Variants in KIAA2012 observed in about 807,000 individuals in gnomAD.
KIAA2012 encodes uncharacterized protein KIAA2012.
A neutral mutation model predicts 150.6 loss-of-function variants in KIAA2012; 125 were observed. The ratio of observed to expected loss-of-function variants is 0.83; its 90% CI spans 0.72 to 0.96. The LOEUF (loss-of-function observed/expected upper bound fraction) is 0.96. KIAA2012 is among the 40% of genes least tolerant of loss of function. KIAA2012 has a pLI of 0.00. For synonymous variants in KIAA2012, 462 were observed against 504.7 expected (o/e 0.92, Z 1.13); for missense variants, 1,219 against 1,354.9 (o/e 0.90, Z 1.57).
Position 202,194,179 on chromosome 2 carries a change from G to T in KIAA2012, c.3015-11G>T. 1 of 1,550,186 alleles carries T rather than the reference G, an allele frequency of 6.5e-7. No homozygotes were observed. Among genetic ancestry groups the T allele is most frequent in the South Asian group, 1.2e-5 (1 of 84,010 alleles). ...TTCTGCCATTTCCCTGACCATCTTG[G>T]GTTTTCTCAGCTTGAGGAAACAGAG... On this transcript the variant is annotated splice_polypyrimidine_tract_variant and intron_variant, in intron 20 of 23. Transcript: ENST00000498697.
chr2:202,090,843 T>C lies in KIAA2012; in HGVS notation c.443T>C (p.Ile148Thr). The change falls in exon 3 of 24, where the codon ATC (isoleucine) becomes ACC (threonine). Residue 148 changes from isoleucine to threonine, a missense_variant. Physicochemically the swap from Ile to Thr is moderately conservative, Grantham distance 89 (BLOSUM62 -1). Transcript: ENST00000498697. ...CTGGAGAGCCAGGCCCAACGGCAGA[T>C]CCAGCCAGGGCATTCAGCCAAGAGA... is the stretch of plus-strand genomic sequence containing the variant. ...SQLESQAQRQ[I>T]QPGHSAKRYL... 6.4e-7 allele frequency: 1 copy of C among 1,550,566 alleles called. No individual in the cohort carries two copies. The highest frequency in any genetic ancestry group is 2.0e-5 in the Admixed American group (1 of 51,006).
intron 21 of KIAA2012, among the ~76,000 whole-genome samples, chr2:202,195,594 C>G (rs1354255036): frequency 1.3e-5 from 2 of 151,982 alleles, no homozygotes; most frequent in Non-Finnish European, 2.9e-5. Context: ...TTACAGTTGC[C>G]TACAGTGCTA....
intron 2 of KIAA2012, among the ~76,000 whole-genome samples, chr2:202,075,752 A>G (rs1029073071): frequency 6.6e-6 from 1 of 152,348 alleles, no homozygotes; most frequent in South Asian, 2.1e-4. Flanking sequence ...ATATAATTGC[A>G]TGCATCAGCC....
chr2:202,122,972 G>C lies in KIAA2012; in HGVS notation c.1763-2242G>C, dbSNP rs565229654. On this transcript the variant is annotated intron_variant, in intron 11 of 23. Coordinates refer to ENST00000498697, the MANE Select transcript of KIAA2012 (RefSeq NM_001277372.4). ...CCACCGCTCTGGCAGCCTCCCTCAAGCCAAGTCAAAAGTCCCACCAGCACA... is the reference window on the plus strand; with the variant it reads ...CCACCGCTCTGGCAGCCTCCCTCAACCCAAGTCAAAAGTCCCACCAGCACA... 1.7e-3 allele frequency among the ~76,000 whole-genome samples: 255 copies of C among 152,242 alleles called. 2 individuals are homozygous for C. Among genetic ancestry groups the C allele is most frequent in the African/African-American group, 5.8e-3 (243 of 41,550 alleles).
chr2:202,167,388 G>A (rs72940547), intron 15 of KIAA2012, among the ~76,000 whole-genome samples: 29,251 of 152,156 alleles, frequency 0.19, 3,461 homozygotes, highest in Non-Finnish European at 0.26. Flanking sequence ...GAGGCCTGAC[G>A]ATTTGCATTT....
chr2:202,125,868 C>A (rs1434447811), intron 12 of KIAA2012: 1 of 447,502 alleles, frequency 2.2e-6, no homozygotes, highest in East Asian at 7.3e-5. Context: ...AGGATGATGA[C>A]CTGGAGACTT....
chr2:202,170,957 C>G lies in KIAA2012; in HGVS notation c.2119+5601C>G, dbSNP rs904953586. Among the ~76,000 whole-genome samples the G allele has an allele frequency of 1.5e-4, 23 of 152,224 alleles. 1 individual carries two copies. Among genetic ancestry groups the G allele is most frequent in the African/African-American group, 5.5e-4 (23 of 41,538 alleles). The stretch of plus-strand genomic sequence containing the variant: ...ATTGAGGCACAGAGTGGTTAAGTAC[C>G]ACATCCTTGCTCGCAGAGCTGGGCA... On this transcript the variant is annotated intron_variant, in intron 15 of 23. Transcript: ENST00000498697.
At chr2:202,177,338 T>TA (rs1460681455) in intron 15 of KIAA2012, among the ~76,000 whole-genome samples, 4 of 152,200 alleles carry the variant, frequency 2.6e-5, no homozygotes, top group Non-Finnish European at 5.9e-5. Context: ...AGAGACTGAT[T>TA]ACCTCTGGGA....
intron 12 of KIAA2012, 200 bp from the exon 13 acceptor site, chr2:202,138,232 T>C: frequency 2.0e-6 from 1 of 502,874 alleles, no homozygotes. Flanking sequence ...TAACACTATG[T>C]TTAACATGGT....
intron 15 of KIAA2012, among the ~76,000 whole-genome samples, chr2:202,176,256 G>A (rs562709483): frequency 6.6e-6 from 1 of 151,774 alleles, no homozygotes; most frequent in Non-Finnish European, 1.5e-5. Context: ...AAGTGCAATG[G>A]CATGATCTTG....
At chr2:202,188,315 G>A in intron 18 of KIAA2012, 49 bp downstream of exon 18, 1 of 1,441,774 alleles carries the variant, frequency 6.9e-7, no homozygotes, top group Non-Finnish European at 9.5e-7. Flanking sequence ...CTTCTGTTAG[G>A]GGTCGGGAGG....
In KIAA2012 at chr2:202,093,061, C is replaced by T; in HGVS notation, c.561C>T (p.Asp187=). The T allele has an allele frequency of 6.4e-7, 1 of 1,550,646 alleles. No homozygotes were observed. The highest frequency in any genetic ancestry group is 1.2e-5 in the South Asian group (1 of 84,058). The stretch of plus-strand genomic sequence containing the variant: ...TCAAGGATTCTGTGCTACTCCAGGA[C>T]AGTCAACTTAATGTACCAAAGAAGC... ...GYIKDSVLLQ[D]SQLNVPKKLR... is the part of the protein sequence containing the mutation. Residue 187 remains aspartate (D), a synonymous_variant, in exon 4 of 24, where the codon GAC becomes GAT. Transcript: ENST00000498697.
Position 202,163,871 on chromosome 2 carries a change from T to A in KIAA2012, c.2047-1413T>A, listed in dbSNP as rs77796841. On this transcript the variant is annotated intron_variant, in intron 14 of 23. Transcript: ENST00000498697. ...GAAACCCAAAAGTAAGAAAATTATTTACCTGTGTTAGCCTTTTTATGTCAG... is the reference window on the plus strand; with the variant it reads ...GAAACCCAAAAGTAAGAAAATTATTAACCTGTGTTAGCCTTTTTATGTCAG... Among the ~76,000 whole-genome samples the A allele has an allele frequency of 6.3e-4, 96 of 151,300 alleles. No individual in the cohort carries two copies. In the East Asian group the frequency reaches 0.015, roughly 23 times the overall value.
Position 202,073,568 on chromosome 2 carries a change from A to G in KIAA2012, c.-60A>G. On this transcript the variant is annotated 5_prime_UTR_variant, in exon 1 of 24. Coordinates refer to ENST00000498697, the MANE Select transcript of KIAA2012 (RefSeq NM_001277372.4). The stretch of plus-strand genomic sequence containing the variant: ...GCTCTGGAAATCTTGAGGTGTGACC[A>G]GATTTCAGCCTTCAAAACCAAGATG... 2.1e-6 allele frequency: 3 copies of G among 1,452,630 alleles called. No individual in the cohort carries two copies. The highest frequency in any genetic ancestry group is 2.5e-5 in the South Asian group (2 of 80,856). The allele number at this position is 1,452,630 out of a possible 1,614,324, so 90.0% of individuals were successfully genotyped here.
At chr2:202,168,806 G>T (rs575790417) in intron 15 of KIAA2012, among the ~76,000 whole-genome samples, 1 of 152,106 alleles carries the variant, frequency 6.6e-6, no homozygotes, top group Non-Finnish European at 1.5e-5. Context: ...AGGTGCAGGG[G>T]GTCCTTAAGG....
intron 22 of KIAA2012, among the ~76,000 whole-genome samples, chr2:202,200,738 C>T (rs1479482531): frequency 1.7e-5 from 2 of 117,610 alleles, no homozygotes; most frequent in Non-Finnish European, 3.4e-5. Flanking sequence ...CGGAGTTTCG[C>T]TCTTGTTGCC....
intron 13 of KIAA2012, among the ~76,000 whole-genome samples, chr2:202,153,346 C>T (rs1691464466): frequency 6.6e-6 from 1 of 151,986 alleles, no homozygotes; most frequent in African/African-American, 2.4e-5. Flanking sequence ...GTCACAGGGG[C>T]ACAGGGAAGC....
intron 12 of KIAA2012, among the ~76,000 whole-genome samples, chr2:202,127,872 G>A (rs143927802): frequency 6.2e-4 from 94 of 152,146 alleles, no homozygotes; most frequent in African/African-American, 1.8e-3. Flanking sequence ...GTCCAGTGGC[G>A]TTAAGTACAT....
rs59488285 is a variant in KIAA2012, at chr2:202,143,075, A to AT, written c.1908+4588dup. ...CCTCCAATTGACAACCACTGGTTTA[A>AT]TTTTTTTTTTTTTTTTTTTTTCTTT... On this transcript the variant is annotated intron_variant, in intron 13 of 23. Transcript: ENST00000498697. Among the ~76,000 whole-genome samples the AT allele has an allele frequency of 3.6e-3, 448 of 124,994 alleles. 2 individuals carry two copies. The highest frequency in any genetic ancestry group is 5.2e-3 in the Non-Finnish European group (318 of 61,526). 82.0% of individuals were successfully genotyped at this position (124,994 alleles called of 152,430 possible).
Sources: allele counts gnomAD v4.1 joint callset (sites outside exome capture counted in the v4.1 genomes callset), GRCh38; gene constraint gnomAD v4.1.1; transcripts MANE v1.5; gene names NCBI Gene and HGNC (gene_info 2026-07-23, HGNC 2026-07-21).